Variants in ANO3 observed in about 807,000 individuals in gnomAD.
ANO3 encodes the protein anoctamin-3.
In ANO3, 99 loss-of-function variants were observed where a neutral mutation model predicts 144.8. The observed-to-expected ratio is 0.68, with a 90% CI of 0.58 to 0.81. ANO3 has a LOEUF of 0.81. Among genes scored for constraint, ANO3 ranks in the 30% least tolerant of loss-of-function variants. The pLI is 0.00. For missense variants in ANO3, 905 were observed against 1,202.2 expected (o/e 0.75, Z 3.66); for synonymous variants, 414 against 392.6 (o/e 1.05, Z -0.64).
intron 13 of ANO3, 91 bp from the exon 14 acceptor site, chr11:26,559,628 G>GA (rs1428685413): frequency 5.2e-5 from 45 of 872,286 alleles, no homozygotes; most frequent in South Asian, 1.1e-4. Context: ...TTCTATTTGA[G>GA]AAAAAATCAT....
intron 5 of ANO3, among the ~76,000 whole-genome samples, chr11:26,508,936 A>T (rs1249369761): frequency 1.3e-5 from 2 of 151,918 alleles, no homozygotes; most frequent in African/African-American, 4.8e-5. Context: ...CAGTCTCTCA[A>T]ATCATACGCT....
chr11:26,302,619 T>C (rs1215538112), intron 1 of ANO3, among the ~76,000 whole-genome samples: 1 of 151,364 alleles, frequency 6.6e-6, no homozygotes, highest in Non-Finnish European at 1.5e-5. Context: ...TTTACCATTA[T>C]AGAAAAAATA....
At chr11:26,359,496 T>C (rs1855867543) in intron 1 of ANO3, among the ~76,000 whole-genome samples, 2 of 152,062 alleles carry the variant, frequency 1.3e-5, no homozygotes, top group South Asian at 2.1e-4. Context: ...TGTACATGTA[T>C]ATACTGATCA....
rs115605548 is a variant in ANO3, at chr11:26,634,184, G to A, written c.1874-20G>A. 7.8e-5 allele frequency: 122 copies of A among 1,557,330 alleles called. 1 individual carries two copies. In the African/African-American group the frequency reaches 1.5e-3, roughly 19 times the overall value. ...TTCACCTCACCTCACCTGTGTCAAT[G>A]CAACCTGTGTTCCTTTTAGAATATC... On this transcript the variant is annotated intron_variant, in intron 18 of 26. Transcript: ENST00000256737.
At chr11:26,394,570 C>CCT (rs1856959178) in intron 1 of ANO3, among the ~76,000 whole-genome samples, 2 of 115,750 alleles carry the variant, frequency 1.7e-5, no homozygotes, top group African/African-American at 6.4e-5. Context: ...ATTTCATTTT[C>CCT]TTTTTTTTTT....
intron 1 of ANO3, among the ~76,000 whole-genome samples, chr11:26,335,410 T>C (rs1327138129): frequency 1.3e-5 from 2 of 152,134 alleles, no homozygotes; most frequent in African/African-American, 4.8e-5. Context: ...TTTTTTTCTT[T>C]TGCATCACGC....
chr11:26,433,486 A>G (rs1473544484), intron 1 of ANO3, among the ~76,000 whole-genome samples: 2 of 151,996 alleles, frequency 1.3e-5, no homozygotes, highest in African/African-American at 4.8e-5. Context: ...TTCAAGGGGG[A>G]ATACTTTCAG....
intron 1 of ANO3, among the ~76,000 whole-genome samples, chr11:26,189,881 G>A (rs933601285): frequency 3.4e-4 from 52 of 152,254 alleles, no homozygotes; most frequent in African/African-American, 1.0e-3. Flanking sequence ...ACCTTTGAGT[G>A]TTACCTGCTT....
intron 1 of ANO3, among the ~76,000 whole-genome samples, chr11:26,360,582 CT>C (rs1855899978): frequency 6.6e-6 from 1 of 152,060 alleles, no homozygotes; most frequent in Admixed American, 6.6e-5. Flanking sequence ...GTGGATCAAC[CT>C]CTCTGTAGAC....
At chr11:26,535,656 C>T (rs1372353252) in intron 9 of ANO3, among the ~76,000 whole-genome samples, 1 of 133,020 alleles carries the variant, frequency 7.5e-6, no homozygotes, top group Non-Finnish European at 1.5e-5. Flanking sequence ...GATCTCAATT[C>T]ACTGCAAGCT....
At chr11:26,589,615 C>T (rs1851387404) in intron 14 of ANO3, among the ~76,000 whole-genome samples, 1 of 151,384 alleles carries the variant, frequency 6.6e-6, no homozygotes, top group Non-Finnish European at 1.5e-5. Context: ...AAAGTCCCTG[C>T]CCCTGGCCAC....
At chr11:26,487,923 T>A (rs1262836789) in intron 4 of ANO3, among the ~76,000 whole-genome samples, 1 of 152,158 alleles carries the variant, frequency 6.6e-6, no homozygotes, top group Non-Finnish European at 1.5e-5. Flanking sequence ...ATCCCAGTAC[T>A]TTGGGAGGCC....
chr11:26,294,508 A>G (rs1213580000), intron 1 of ANO3, among the ~76,000 whole-genome samples: 1 of 152,224 alleles, frequency 6.6e-6, no homozygotes, highest in Non-Finnish European at 1.5e-5. Context: ...CAATAGCACT[A>G]TTCTAGATAT....
Position 26,595,460 on chromosome 11 carries a change from G to GTTTTTTTTTTTTTTTTTTTTTTTTTTT in ANO3, c.1448-2904_1448-2878dup, listed in dbSNP as rs201712393. Reference sequence around the variant, plus strand: ...TTTGACTCAGTATTGAGATAGAGTTGTTTTTTTTTTTTTTTTTTTTTTTTT... The same window carrying GTTTTTTTTTTTTTTTTTTTTTTTTTTT: ...TTTGACTCAGTATTGAGATAGAGTTGTTTTTTTTTTTTTTTTTTTTTTTTTTTTTTTTTTTTTTTTTTTTTTTTTTTT... On this transcript the variant is annotated intron_variant, in intron 14 of 26. Coordinates refer to ENST00000256737, the MANE Select transcript of ANO3 (RefSeq NM_031418.4). 2.0e-5 allele frequency among the ~76,000 whole-genome samples: 2 copies of GTTTTTTTTTTTTTTTTTTTTTTTTTTT among 101,384 alleles called. 1 individual carries two copies. The highest frequency in any genetic ancestry group is 8.4e-5 in the African/African-American group (2 of 23,934). The allele number at this position is 101,384 out of a possible 152,430, so 66.5% of individuals were successfully genotyped here. A position where few individuals can be genotyped will look rare whatever the true frequency, so the allele number is the denominator to read the frequency against.
chr11:26,563,961 C>A (rs908520231), intron 14 of ANO3, among the ~76,000 whole-genome samples: 1 of 151,730 alleles, frequency 6.6e-6, no homozygotes, highest in Non-Finnish European at 1.5e-5. Context: ...GTACATTTCT[C>A]TTTTTTTCTT....
chr11:26,344,429 G>A (rs1039593318), intron 1 of ANO3, among the ~76,000 whole-genome samples: 2 of 146,814 alleles, frequency 1.4e-5, no homozygotes, highest in East Asian at 2.0e-4. Context: ...GCAGTGGCAC[G>A]ATCTCGGCTC....
At chr11:26,479,585 G>T (rs567018144) in intron 4 of ANO3, among the ~76,000 whole-genome samples, 6 of 151,992 alleles carry the variant, frequency 3.9e-5, no homozygotes, top group African/African-American at 1.4e-4. Flanking sequence ...TCACTACCAC[G>T]AGAACAGCAT....
At chr11:26,224,046 G>A (rs1012020051) in intron 1 of ANO3, among the ~76,000 whole-genome samples, 7 of 152,130 alleles carry the variant, frequency 4.6e-5, no homozygotes, top group Admixed American at 1.3e-4. Flanking sequence ...TTGGTGTAAC[G>A]ACCCAATCTC....
chr11:26,341,066 C>A (rs561630041), intron 1 of ANO3, among the ~76,000 whole-genome samples: 10 of 151,852 alleles, frequency 6.6e-5, no homozygotes, highest in Admixed American at 2.6e-4. Context: ...CTTTTCTTTT[C>A]TCTCCCTTAC....
Sources: gnomAD v4.1 joint callset for allele counts (sites outside exome capture counted in the v4.1 genomes callset) on GRCh38, gnomAD v4.1.1 for gene constraint, MANE v1.5 for transcripts, NCBI Gene and HGNC (gene_info 2026-07-23, HGNC 2026-07-21) for gene names.